FGD5: variants seen among roughly 807,000 people sequenced by gnomAD.
The protein encoded by FGD5 is FYVE, RhoGEF and PH domain-containing protein 5.
Under a neutral mutation model 133.4 loss-of-function variants are expected in FGD5, and 28 were observed. The observed-to-expected ratio is 0.21, with a 90% confidence interval of 0.16 to 0.29. FGD5 has a LOEUF of 0.29. FGD5 is among the 10% of genes least tolerant of loss of function. The pLI is 1.00. For missense variants in FGD5, 1,858 were observed against 1,895.2 expected, an observed-to-expected ratio of 0.98 and a Z score of 0.36; for synonymous variants, 810 against 776.5, an observed-to-expected ratio of 1.04 and a Z score of -0.72.
chr3:14,891,334 C>T (rs1482163093), intron 4 of FGD5, among the ~76,000 whole-genome samples: 1 of 152,216 alleles, frequency 6.6e-6, no homozygotes, highest in African/African-American at 2.4e-5. Context: ...CACCTGCTGC[C>T]CTACTCACAA....
In FGD5 at chr3:14,886,938, T is replaced by C. The variant is rs993906639; in HGVS notation, c.2748+6166T>C. The stretch of plus-strand genomic sequence containing the variant: ...TCCTTTTAAATTTACTTAAATGTAT[T>C]TTATGGCCCAGCATACGCCCTAGCC... On this transcript the variant is annotated intron_variant, in intron 4 of 19. Coordinates refer to ENST00000285046, the MANE Select transcript of FGD5 (RefSeq NM_152536.4). Among the ~76,000 whole-genome samples, 17 of 152,202 alleles carry C rather than the reference T, an allele frequency of 1.1e-4. No homozygotes were observed. The South Asian group carries it at 1.2e-3, about 11-fold the overall frequency.
chr3:14,898,307 G>A (rs116120535), intron 6 of FGD5, among the ~76,000 whole-genome samples: 3,631 of 152,256 alleles, frequency 0.024, 144 homozygotes, highest in African/African-American at 0.081. Context: ...ACAGTGCAGT[G>A]AGTGCCACCC....
intron 1 of FGD5, among the ~76,000 whole-genome samples, chr3:14,855,939 A>C: frequency 6.6e-6 from 1 of 152,116 alleles, no homozygotes; most frequent in East Asian, 1.9e-4. Context: ...TCTTAGTCAT[A>C]AAATATTTTC....
intron 1 of FGD5, among the ~76,000 whole-genome samples, chr3:14,824,620 T>C (rs969866625): frequency 3.6e-4 from 55 of 152,208 alleles, no homozygotes; most frequent in African/African-American, 1.3e-3. Context: ...ATCTGTAAAA[T>C]GGTAAGGTTG....
At chr3:14,931,449 G>A (rs1415144936) in intron 18 of FGD5, 3 of 152,178 alleles carry the variant, frequency 2.0e-5, no homozygotes, top group African/African-American at 7.2e-5. Flanking sequence ...TTGGCCTTGA[G>A]TGTAGCTGGG....
chr3:14,894,981 C>T (rs997809534), intron 4 of FGD5, among the ~76,000 whole-genome samples: 7 of 152,020 alleles, frequency 4.6e-5, no homozygotes, highest in African/African-American at 1.7e-4. Flanking sequence ...TTTTCATATA[C>T]CTATTGACCA....
At chr3:14,853,154 A>G (rs1242891564) in intron 1 of FGD5, among the ~76,000 whole-genome samples, 1 of 152,156 alleles carries the variant, frequency 6.6e-6, no homozygotes, top group Admixed American at 6.5e-5. Context: ...TGCAAATGAT[A>G]GCTCCATCTG....
intron 2 of FGD5, among the ~76,000 whole-genome samples, chr3:14,865,119 A>ACCCCC (rs1216267069): frequency 1.1e-4 from 16 of 140,844 alleles, no homozygotes; most frequent in East Asian, 2.2e-4. Context: ...CCCCCACCCA[A>ACCCCC]CCCACCCATC....
chr3:14,924,133 A>T lies in FGD5; in HGVS notation c.4063A>T (p.Thr1355Ser). 6.2e-7 allele frequency: 1 copy of T among 1,613,926 alleles called. No individual in the cohort carries two copies. Among genetic ancestry groups the T allele is most frequent in the Non-Finnish European group, 8.5e-7 (1 of 1,179,876 alleles). The change falls in exon 17 of 20, where the codon ACA (threonine) becomes TCA (serine). Residue 1355 changes from threonine to serine, a missense_variant. Physicochemically the swap from Thr to Ser is moderately conservative, Grantham distance 58 (BLOSUM62 1). This residue lies in a region of FGD5 where 1,824 missense variants were observed against 1,848.9 expected (regional missense o/e 0.99). Transcript: ENST00000285046. ...KKQKKVPSAL[T>S]EVAASGEGSA... ...GCAGAAGAAAGTCCCTTCAGCCCTG[A>T]CAGAGGTAAAGCAGGCAGGGCTACC... is the stretch of plus-strand genomic sequence containing the variant.
At chr3:14,901,626 A>G (rs2038240760) in intron 9 of FGD5, among the ~76,000 whole-genome samples, 1 of 152,164 alleles carries the variant, frequency 6.6e-6, no homozygotes, top group Non-Finnish European at 1.5e-5. Context: ...CTGTGTTGAC[A>G]ATGGTTCCAA....
At chr3:14,882,533 A>G (rs920908378) in intron 4 of FGD5, among the ~76,000 whole-genome samples, 1 of 152,040 alleles carries the variant, frequency 6.6e-6, no homozygotes, top group Non-Finnish European at 1.5e-5. Context: ...CCCCATCTCT[A>G]CTGAAAATAC....
At chr3:14,914,814 G>C (rs145426232) in intron 11 of FGD5, among the ~76,000 whole-genome samples, 1 of 152,348 alleles carries the variant, frequency 6.6e-6, no homozygotes, top group Non-Finnish European at 1.5e-5. Flanking sequence ...GATGATCATG[G>C]TGCCTGTGCG....
rs950147078 is a variant in FGD5, at chr3:14,920,042, C to T, written c.3569+1209C>T. Among the ~76,000 whole-genome samples the T allele has an allele frequency of 1.3e-4, 20 of 152,168 alleles. 2 individuals carry two copies. In the South Asian group the frequency reaches 2.1e-3, roughly 16 times the overall value. Reference sequence around the variant, plus strand: ...TCCAGGCCCTCGGGTTGCCTGGGATCCTCATCTCTGGCTTCAGACCATGAC... The same window carrying T: ...TCCAGGCCCTCGGGTTGCCTGGGATTCTCATCTCTGGCTTCAGACCATGAC... On this transcript the variant is annotated intron_variant, in intron 13 of 19. Transcript: ENST00000285046.
At chr3:14,854,698 G>A (rs1267983782) in intron 1 of FGD5, among the ~76,000 whole-genome samples, 2 of 152,134 alleles carry the variant, frequency 1.3e-5, no homozygotes, top group African/African-American at 2.4e-5. Flanking sequence ...GGGATTACAA[G>A]TGTGAGCCAG....
chr3:14,918,665 G>A, intron 12 of FGD5, 89 bp from the exon 13 acceptor site: 1 of 1,326,088 alleles, frequency 7.5e-7, no homozygotes, highest in Non-Finnish European at 1.1e-6. Context: ...GGTGGACATG[G>A]TCCCTCTGTT....
At chr3:14,881,244 G>C (rs2125118286) in intron 4 of FGD5, among the ~76,000 whole-genome samples, 1 of 152,236 alleles carries the variant, frequency 6.6e-6, no homozygotes, top group East Asian at 1.9e-4. Flanking sequence ...GCCTGAGCTG[G>C]TGGTGAGGGG....
chr3:14,883,763 A>T (rs376692609), intron 4 of FGD5, among the ~76,000 whole-genome samples: 4 of 152,208 alleles, frequency 2.6e-5, no homozygotes, highest in Admixed American at 2.6e-4. Context: ...GTGAACAGAC[A>T]ATTTACATTA....
intron 2 of FGD5, among the ~76,000 whole-genome samples, chr3:14,868,361 G>A (rs1251916319): frequency 6.6e-6 from 1 of 152,094 alleles, no homozygotes; most frequent in Non-Finnish European, 1.5e-5. Flanking sequence ...CGCCCTCTGT[G>A]GCAGGTCTGC....
chr3:14,840,442 G>A (rs532840529), intron 1 of FGD5, among the ~76,000 whole-genome samples: 116 of 152,280 alleles, frequency 7.6e-4, no homozygotes, highest in Non-Finnish European at 1.3e-3. Context: ...ACCACGCCCA[G>A]CCTACATTTA....
Sources: allele counts gnomAD v4.1 joint callset (sites outside exome capture counted in the v4.1 genomes callset), GRCh38; gene constraint gnomAD v4.1.1; regional missense constraint gnomAD v4.1.1; transcripts MANE v1.5; gene names NCBI Gene and HGNC (gene_info 2026-07-23, HGNC 2026-07-21).